Variants in OLFM3 observed in about 807,000 individuals in gnomAD.
The protein encoded by OLFM3 is olfactomedin 3, also known as noelin-3.
Under a neutral mutation model 48.6 loss-of-function variants are expected in OLFM3, and 20 were observed. That is an observed-to-expected ratio of 0.41 (90% CI 0.29 to 0.60). OLFM3 has a LOEUF of 0.60. Ranked by LOEUF, OLFM3 falls within the 20% of genes least tolerant of loss-of-function variation. The pLI is 0.28. For missense variants in OLFM3, 437 were observed against 544.3 expected, an observed-to-expected ratio of 0.80 and a Z score of 1.96; for synonymous variants, 222 against 198.1, an observed-to-expected ratio of 1.12 and a Z score of -1.01.
intron 1 of OLFM3, among the ~76,000 whole-genome samples, chr1:101,875,837 C>A (rs1042880697): frequency 2.0e-5 from 3 of 151,894 alleles, no homozygotes; most frequent in Admixed American, 6.6e-5. Flanking sequence ...AAAACAGCTA[C>A]AAGGAAAGAC....
chr1:101,805,142 G>A (rs1221409874), intron 5 of OLFM3, among the ~76,000 whole-genome samples: 3 of 151,726 alleles, frequency 2.0e-5, no homozygotes, highest in African/African-American at 7.3e-5. Flanking sequence ...ACATTAATTT[G>A]CTTTTTTGCT....
intron 1 of OLFM3, among the ~76,000 whole-genome samples, chr1:101,927,434 C>T (rs1000127575): frequency 2.0e-5 from 3 of 151,906 alleles, no homozygotes; most frequent in African/African-American, 7.2e-5. Context: ...AGCCTTGTCT[C>T]ATAAAGTCAG....
chr1:101,996,652 C>A, intron 1 of OLFM3, 96 bp downstream of exon 1: 1 of 1,285,442 alleles, frequency 7.8e-7, no homozygotes, highest in Non-Finnish European at 1.1e-6. Flanking sequence ...AAAGAGCTGT[C>A]TCTCGTCCCG....
chr1:101,954,629 T>A (rs1212434944), intron 1 of OLFM3, among the ~76,000 whole-genome samples: 1 of 152,120 alleles, frequency 6.6e-6, no homozygotes, highest in Non-Finnish European at 1.5e-5. Context: ...TCAAACTAGA[T>A]GTGTCACCTA....
chr1:101,835,993 C>T (rs565012523), intron 2 of OLFM3, among the ~76,000 whole-genome samples: 89 of 152,280 alleles, frequency 5.8e-4, no homozygotes, highest in African/African-American at 2.1e-3. Flanking sequence ...AGCTTCTCTT[C>T]ATTTTTTGTT....
In OLFM3 at chr1:101,900,219, C is replaced by T. The variant is rs190121788; in HGVS notation, c.70-63194G>A. 1.0e-3 allele frequency among the ~76,000 whole-genome samples: 158 copies of T among 152,222 alleles called. 2 individuals carry two copies. The highest frequency in any genetic ancestry group is 3.8e-3 in the African/African-American group (156 of 41,524). On this transcript the variant is annotated intron_variant, in intron 1 of 5. Coordinates refer to ENST00000370103, the MANE Select transcript of OLFM3 (RefSeq NM_058170.4). The stretch of plus-strand genomic sequence containing the variant: ...GCTTTGTTCATTTCTGTGGTTCAAT[C>T]ATCCAGACAAGTCCATGAACACAGA...
chr1:101,924,383 G>T (rs1031101961), intron 1 of OLFM3, among the ~76,000 whole-genome samples: 1 of 151,758 alleles, frequency 6.6e-6, no homozygotes, highest in Non-Finnish European at 1.5e-5. Flanking sequence ...CTTTTGTTTC[G>T]ACATTGAATC....
At chr1:101,940,768 G>GTA (rs1166988279) in intron 1 of OLFM3, among the ~76,000 whole-genome samples, 10 of 150,136 alleles carry the variant, frequency 6.7e-5, no homozygotes, top group South Asian at 6.3e-4. Context: ...TCATTTGTGT[G>GTA]TATATATATA....
chr1:101,962,241 TA>T (rs1244340644), intron 1 of OLFM3, among the ~76,000 whole-genome samples: 4 of 152,166 alleles, frequency 2.6e-5, no homozygotes, highest in Non-Finnish European at 4.4e-5. Context: ...AATAAACCTG[TA>T]TGGAGTGTTG....
At chr1:101,900,694 T>A (rs374297799) in intron 1 of OLFM3, among the ~76,000 whole-genome samples, 3 of 151,834 alleles carry the variant, frequency 2.0e-5, no homozygotes, top group East Asian at 1.9e-4. Flanking sequence ...CTAAATAAAG[T>A]AAAGAAAATA....
At chr1:101,865,033 T>TA (rs567434579) in intron 1 of OLFM3, among the ~76,000 whole-genome samples, 60 of 152,320 alleles carry the variant, frequency 3.9e-4, no homozygotes, top group Non-Finnish European at 7.1e-4. Context: ...TGCTTTAGCT[T>TA]AACTCCTTGG....
intron 1 of OLFM3, among the ~76,000 whole-genome samples, chr1:101,923,370 T>C (rs1052035488): frequency 6.6e-6 from 1 of 152,228 alleles, no homozygotes; most frequent in African/African-American, 2.4e-5. Context: ...TATTTATAAT[T>C]TCAATCCAAT....
intron 1 of OLFM3, among the ~76,000 whole-genome samples, chr1:101,978,260 A>G (rs1661008542): frequency 6.6e-6 from 1 of 152,132 alleles, no homozygotes; most frequent in Non-Finnish European, 1.5e-5. Flanking sequence ...TCAAACAAGA[A>G]GTTATTTATT....
chr1:101,924,962 T>C (rs1659221995), intron 1 of OLFM3, among the ~76,000 whole-genome samples: 1 of 152,118 alleles, frequency 6.6e-6, no homozygotes, highest in Non-Finnish European at 1.5e-5. Flanking sequence ...CAGAGTGTTG[T>C]GGATCACAGG....
intron 1 of OLFM3, among the ~76,000 whole-genome samples, chr1:101,944,894 G>A (rs1220309544): frequency 1.4e-5 from 2 of 141,022 alleles, no homozygotes; most frequent in Non-Finnish European, 3.1e-5. Context: ...AAAAAAAAAA[G>A]TTCCTGGGCA....
intron 1 of OLFM3, among the ~76,000 whole-genome samples, chr1:101,979,257 A>T (rs1661040653): frequency 1.3e-5 from 2 of 152,158 alleles, no homozygotes; most frequent in South Asian, 4.1e-4. Flanking sequence ...GTTATATCAT[A>T]TCCACCTCTA....
intron 1 of OLFM3, among the ~76,000 whole-genome samples, chr1:101,860,303 TA>T (rs886977682): frequency 1.3e-5 from 2 of 152,040 alleles, no homozygotes; most frequent in African/African-American, 4.8e-5. Context: ...TATCTTGAAC[TA>T]AAAAAATAAA....
chr1:101,881,372 T>G (rs1302156485), intron 1 of OLFM3, among the ~76,000 whole-genome samples: 1 of 151,854 alleles, frequency 6.6e-6, no homozygotes. Flanking sequence ...CTTAGAGCTC[T>G]TCAATCCTAA....
chr1:101,830,885 C>T (rs767050714), intron 2 of OLFM3, 58 bp from the exon 3 acceptor site: 59 of 1,500,000 alleles, frequency 3.9e-5, no homozygotes, highest in Non-Finnish European at 4.6e-5. Flanking sequence ...TGTGCAATCA[C>T]TAAGAAATAG....
Sources: gnomAD v4.1 joint callset for allele counts (sites outside exome capture counted in the v4.1 genomes callset) on GRCh38, gnomAD v4.1.1 for gene constraint, MANE v1.5 for transcripts, NCBI Gene and HGNC (gene_info 2026-07-23, HGNC 2026-07-21) for gene names.